ROPN1: variants seen among roughly 807,000 people sequenced by gnomAD.
ROPN1 encodes the protein rhophilin associated tail protein 1.
ROPN1 carries 14 observed loss-of-function variants against 20.5 expected under a neutral mutation model. The ratio of observed to expected loss-of-function variants is 0.68; its 90% confidence interval spans 0.45 to 1.07. The LOEUF is 1.07. Among genes scored for constraint, ROPN1 ranks in the 50% least tolerant of loss-of-function variants. ROPN1 has a pLI of 0.00. For synonymous variants in ROPN1, 76 were observed against 95.7 expected (o/e 0.79, Z 1.20); for missense variants, 169 against 242.8 (o/e 0.70, Z 2.02).
At chr3:123,986,126 C>T (rs1009696224) in intron 1 of ROPN1, among the ~76,000 whole-genome samples, 2 of 149,656 alleles carry the variant, frequency 1.3e-5, no homozygotes, top group Middle Eastern at 3.3e-3. Context: ...CCTTTACTTA[C>T]CAAATGCTTA....
chr3:123,974,994 C>T, intron 4 of ROPN1: 1 of 312,852 alleles, frequency 3.2e-6, no homozygotes, highest in Non-Finnish European at 6.2e-6. Flanking sequence ...GATTGTACCC[C>T]TTTTAAACAG....
rs1027026059 is a variant in ROPN1 at position 123,972,162 on chromosome 3, G to A, written c.397-1945C>T. Among the ~76,000 whole-genome samples, 26 of 152,220 alleles carry A rather than the reference G, an allele frequency of 1.7e-4. 1 individual carries two copies. In the South Asian group the frequency reaches 3.9e-3, roughly 23 times the overall value. On this transcript the variant is annotated intron_variant, in intron 4 of 5. Transcript: ENST00000405845. ...AGTCATGGCAACAAACTAACATAGC[G>A]GCTTTCAACCCTAAACATCATCTTT...
chr3:123,970,341 A>T (rs1489814095), intron 4 of ROPN1, 124 bp from the exon 5 acceptor site: 1 of 841,146 alleles, frequency 1.2e-6, no homozygotes, highest in African/African-American at 1.7e-5. Flanking sequence ...ACAATTTAAG[A>T]TTCTAGAAAG....
intron 4 of ROPN1, chr3:123,974,447 G>C (rs937862924): frequency 2.3e-4 from 35 of 152,170 alleles, no homozygotes; most frequent in Non-Finnish European, 4.7e-4. Flanking sequence ...AAATGATTAT[G>C]ATGAAGGCTG....
At chr3:123,980,289 G>T in intron 2 of ROPN1, 77 bp downstream of exon 2, 2 of 1,386,644 alleles carry the variant, frequency 1.4e-6, no homozygotes, top group Non-Finnish European at 2.0e-6. Flanking sequence ...CTGCAGCCAT[G>T]ACAACCTCCG....
At position 123,988,972 on chromosome 3, in the gene ROPN1, G is replaced by T. The variant is rs1171320748; in HGVS notation, c.-13+2950C>A. 2.0e-5 allele frequency among the ~76,000 whole-genome samples: 3 copies of T among 152,104 alleles called. No individual in the cohort carries two copies. In the East Asian group the frequency reaches 5.8e-4, roughly 29 times the overall value. ...CTAACATCTGCAGGTATTAGAAGGA[G>T]GTCAGAAAATACTTTTCAAAGAGTG... On this transcript the variant is annotated intron_variant, in intron 1 of 5. Coordinates refer to ENST00000405845, the MANE Select transcript of ROPN1 (RefSeq NM_001317774.2).
chr3:123,989,586 A>T (rs187564359), intron 1 of ROPN1, among the ~76,000 whole-genome samples: 1 of 152,284 alleles, frequency 6.6e-6, no homozygotes, highest in Non-Finnish European at 1.5e-5. Context: ...CTATGCTGGG[A>T]TCCTGTAGCA....
intron 1 of ROPN1, among the ~76,000 whole-genome samples, chr3:123,989,019 C>G (rs948860714): frequency 6.6e-6 from 1 of 152,064 alleles, no homozygotes; most frequent in Admixed American, 6.6e-5. Context: ...GATATCTGAA[C>G]TGAGACTTGG....
rs1388717746 is a variant in ROPN1 at position 123,979,747 on chromosome 3, T to C, written c.116+619A>G. The C allele has an allele frequency of 2.6e-5, 9 of 350,166 alleles. No individual in the cohort carries two copies. In the Admixed American group the frequency reaches 3.6e-4, roughly 14 times the overall value. 21.7% of individuals were successfully genotyped at this position (350,166 alleles called of 1,614,324 possible). A position where few individuals can be genotyped will look rare whatever the true frequency, so the allele number is the denominator to read the frequency against. The stretch of plus-strand genomic sequence containing the variant: ...GAATGCAGTGTGTACTGTGCGGACA[T>C]CTTTATGTTGGCAGAACAAAATCAG... On this transcript the variant is annotated intron_variant, in intron 2 of 5. Transcript: ENST00000405845.
chr3:123,969,601 C>T (rs2037873657), intron 5 of ROPN1, among the ~76,000 whole-genome samples: 2 of 152,198 alleles, frequency 1.3e-5, no homozygotes, highest in Admixed American at 6.5e-5. Context: ...CCGCCATGAC[C>T]GGCCCTCTTT....
chr3:123,980,992 T>A (rs893614349), intron 1 of ROPN1, among the ~76,000 whole-genome samples: 7 of 152,164 alleles, frequency 4.6e-5, no homozygotes, highest in African/African-American at 1.7e-4. Flanking sequence ...AAATAGTCAT[T>A]AAACAGCCAT....
intron 4 of ROPN1, 112 bp from the exon 5 acceptor site, chr3:123,970,329 G>A: frequency 1.1e-6 from 1 of 937,478 alleles, no homozygotes; most frequent in African/African-American, 1.7e-5. Flanking sequence ...AATGAAGTGG[G>A]AACAATTTAA....
At chr3:123,989,103 G>A (rs2038339081) in intron 1 of ROPN1, among the ~76,000 whole-genome samples, 1 of 152,156 alleles carries the variant, frequency 6.6e-6, no homozygotes, top group South Asian at 2.1e-4. Context: ...TATTCAGTAA[G>A]CATATGTGTA....
chr3:123,971,883 T>C (rs961460164), intron 4 of ROPN1, among the ~76,000 whole-genome samples: 1 of 152,182 alleles, frequency 6.6e-6, no homozygotes, highest in African/African-American at 2.4e-5. Context: ...CTGGAGAATG[T>C]GATTGTATTT....
chr3:123,970,614 C>T (rs962451400), intron 4 of ROPN1, among the ~76,000 whole-genome samples: 1 of 152,046 alleles, frequency 6.6e-6, no homozygotes, highest in African/African-American at 2.4e-5. Flanking sequence ...ATGGTCTAGC[C>T]TATATAGTCC....
chr3:123,975,807 C>T, intron 3 of ROPN1: 1 of 376,164 alleles, frequency 2.7e-6, no homozygotes, highest in Admixed American at 3.5e-5. Context: ...ATTTTAATTT[C>T]TGGTGATGCT....
intron 1 of ROPN1, among the ~76,000 whole-genome samples, chr3:123,982,627 A>G (rs908351351): frequency 6.6e-6 from 1 of 152,180 alleles, no homozygotes; most frequent in Non-Finnish European, 1.5e-5. Context: ...AGTTACTCTT[A>G]TAAGTTGTTT....
At chr3:123,981,383 G>A (rs2038143601) in intron 1 of ROPN1, 1 of 153,426 alleles carries the variant, frequency 6.5e-6, no homozygotes, top group South Asian at 2.1e-4. Flanking sequence ...GCTCACCTGG[G>A]CACATGTAGA....
rs1260785716 is a variant in ROPN1, at chr3:123,969,413, C to T, written c.573-192G>A. Among the ~76,000 whole-genome samples the T allele has an allele frequency of 2.0e-5, 3 of 152,182 alleles. No homozygotes were observed. In the East Asian group the frequency reaches 5.8e-4, roughly 29 times the overall value. ...GAGTAACTGGTGCAATCTTGGCTCA[C>T]TGCAACCTCTGCCTCCTGGGCTCAA... On this transcript the variant is annotated intron_variant, in intron 5 of 5. Transcript: ENST00000405845.
Sources: allele counts gnomAD v4.1 joint callset (sites outside exome capture counted in the v4.1 genomes callset), GRCh38; gene constraint gnomAD v4.1.1; transcripts MANE v1.5; gene names NCBI Gene and HGNC (gene_info 2026-07-23, HGNC 2026-07-21).